The following NKAIN2 variants were observed in gnomAD, a reference collection of about 807,000 sequenced individuals.
The protein encoded by NKAIN2 is sodium/potassium transporting ATPase interacting 2.
Under a neutral mutation model 32.6 loss-of-function variants are expected in NKAIN2, and 14 were observed. The observed-to-expected ratio is 0.43, with a 90% confidence interval of 0.28 to 0.67. NKAIN2 has a LOEUF of 0.67. Among genes scored for constraint, NKAIN2 ranks in the 30% least tolerant of loss-of-function variants. The pLI is 0.17. For missense variants in NKAIN2, 198 were observed against 258.3 expected (o/e 0.77, Z 1.60); for synonymous variants, 80 against 87.2 (o/e 0.92, Z 0.46).
intron 1 of NKAIN2, among the ~76,000 whole-genome samples, chr6:124,013,815 G>A (rs1302907576): frequency 6.6e-6 from 1 of 152,212 alleles, no homozygotes; most frequent in Non-Finnish European, 1.5e-5. Flanking sequence ...AAAAGGGTTA[G>A]AGAGATGTGG....
chr6:124,742,638 C>T (rs1339790177), intron 4 of NKAIN2, among the ~76,000 whole-genome samples: 7 of 151,806 alleles, frequency 4.6e-5, no homozygotes, highest in Non-Finnish European at 8.8e-5. Flanking sequence ...CTCTAGAGGA[C>T]CCTTAACCAA....
At chr6:123,946,290 T>C (rs1777060935) in intron 1 of NKAIN2, among the ~76,000 whole-genome samples, 1 of 152,186 alleles carries the variant, frequency 6.6e-6, no homozygotes, top group Non-Finnish European at 1.5e-5. Flanking sequence ...TGAAATTGTT[T>C]TGTACATTTG....
chr6:123,853,019 A>G (rs1015470687), intron 1 of NKAIN2, among the ~76,000 whole-genome samples: 3 of 152,224 alleles, frequency 2.0e-5, no homozygotes, highest in African/African-American at 7.2e-5. Context: ...AGACTTTATC[A>G]TCATGTTGAG....
chr6:124,713,953 C>A (rs865987849), intron 4 of NKAIN2, among the ~76,000 whole-genome samples: 1 of 152,180 alleles, frequency 6.6e-6, no homozygotes, highest in Non-Finnish European at 1.5e-5. Context: ...TTTATTTGCT[C>A]ATCTAGCAAC....
intron 1 of NKAIN2, among the ~76,000 whole-genome samples, chr6:123,912,215 G>A (rs144956218): frequency 1.6e-4 from 24 of 151,956 alleles, no homozygotes; most frequent in East Asian, 9.7e-4. Context: ...ATTCTTGAAC[G>A]AAATATATGA....
chr6:124,107,007 G>C (rs929908381), intron 1 of NKAIN2, among the ~76,000 whole-genome samples: 7 of 152,304 alleles, frequency 4.6e-5, no homozygotes, highest in Admixed American at 3.9e-4. Flanking sequence ...TGGGTAGAAA[G>C]TGCCAAGGGT....
At chr6:124,397,784 C>T (rs905928555) in intron 3 of NKAIN2, among the ~76,000 whole-genome samples, 4 of 151,972 alleles carry the variant, frequency 2.6e-5, no homozygotes, top group Non-Finnish European at 5.9e-5. Flanking sequence ...GGAAGATTAA[C>T]GAATTGTGAA....
chr6:124,220,230 C>T (rs1791740886), intron 1 of NKAIN2, among the ~76,000 whole-genome samples: 1 of 152,110 alleles, frequency 6.6e-6, no homozygotes, highest in South Asian at 2.1e-4. Flanking sequence ...ATCTCTCCTT[C>T]TCTTTCTCAC....
intron 4 of NKAIN2, among the ~76,000 whole-genome samples, chr6:124,661,216 A>T (rs1248070813): frequency 6.6e-6 from 1 of 152,222 alleles, no homozygotes; most frequent in Non-Finnish European, 1.5e-5. Context: ...AGTTTAAGGC[A>T]TAATCTTGGC....
At chr6:124,204,916 A>AT (rs1042485050) in intron 1 of NKAIN2, among the ~76,000 whole-genome samples, 6 of 151,536 alleles carry the variant, frequency 4.0e-5, no homozygotes, top group South Asian at 2.1e-4. Context: ...TATTAAAGAG[A>AT]TTTTTTATGT....
intron 1 of NKAIN2, among the ~76,000 whole-genome samples, chr6:124,197,230 C>A (rs560954820): frequency 6.6e-6 from 1 of 151,970 alleles, no homozygotes; most frequent in East Asian, 1.9e-4. Flanking sequence ...TGTTTTGTCC[C>A]CAGTTCATAA....
At chr6:124,050,051 A>C (rs1782332464) in intron 1 of NKAIN2, among the ~76,000 whole-genome samples, 1 of 152,048 alleles carries the variant, frequency 6.6e-6, no homozygotes, top group Non-Finnish European at 1.5e-5. Flanking sequence ...ATTTGCGTGT[A>C]GTATATATGG....
intron 3 of NKAIN2, among the ~76,000 whole-genome samples, chr6:124,369,621 G>C (rs984931723): frequency 6.6e-6 from 1 of 152,044 alleles, no homozygotes; most frequent in African/African-American, 2.4e-5. Context: ...TTTTCTTCCA[G>C]TGTGGCCCAG....
Position 124,732,091 on chromosome 6 carries a change from G to T in NKAIN2, c.475-59248G>T, listed in dbSNP as rs552995139. On this transcript the variant is annotated intron_variant, in intron 4 of 6. Coordinates refer to ENST00000368417, the MANE Select transcript of NKAIN2 (RefSeq NM_001040214.3). ...TATGACCTTACCTCCATTTATTAAA[G>T]AATTTATCATGAAAATTCCATAGAA... 2.0e-4 allele frequency among the ~76,000 whole-genome samples: 30 copies of T among 151,884 alleles called. No homozygotes were observed. In the South Asian group the frequency reaches 5.8e-3, roughly 29 times the overall value.
chr6:124,587,480 A>G lies in NKAIN2; in HGVS notation c.274-70706A>G, dbSNP rs190730747. ...TGATCCGCCTGGTTTGGCCTCCCAA[A>G]GAGCAGGGATTACAGATGTAAGCCA... On this transcript the variant is annotated intron_variant, in intron 3 of 6. Coordinates refer to ENST00000368417, the MANE Select transcript of NKAIN2 (RefSeq NM_001040214.3). Among the ~76,000 whole-genome samples the G allele has an allele frequency of 9.2e-5, 14 of 152,280 alleles. No individual in the cohort carries two copies. In the East Asian group the frequency reaches 2.7e-3, roughly 29 times the overall value.
intron 2 of NKAIN2, among the ~76,000 whole-genome samples, chr6:124,311,709 C>T (rs1020657441): frequency 6.6e-6 from 1 of 152,088 alleles, no homozygotes; most frequent in African/African-American, 2.4e-5. Context: ...AGAGCCCATT[C>T]TTAATTGGTA....
At chr6:124,708,558 A>C (rs1461389832) in intron 4 of NKAIN2, among the ~76,000 whole-genome samples, 2 of 151,928 alleles carry the variant, frequency 1.3e-5, no homozygotes, top group South Asian at 4.2e-4. Flanking sequence ...GGTCCTTCAC[A>C]TCCCTTGTAA....
chr6:123,978,863 C>T lies in NKAIN2; in HGVS notation c.54+174609C>T, dbSNP rs57044798. ...TCATGGTTAAATAGTTATGGACTGA[C>T]TACCTTCTTAATCAAAGGTGATGCT... On this transcript the variant is annotated intron_variant, in intron 1 of 6. Coordinates refer to ENST00000368417, the MANE Select transcript of NKAIN2 (RefSeq NM_001040214.3). Among the ~76,000 whole-genome samples the T allele has an allele frequency of 3.5e-3, 532 of 152,296 alleles. 5 individuals carry two copies. Among genetic ancestry groups the T allele is most frequent in the African/African-American group, 0.012 (506 of 41,560 alleles).
intron 3 of NKAIN2, among the ~76,000 whole-genome samples, chr6:124,421,444 A>G (rs1774745183): frequency 6.6e-6 from 1 of 152,036 alleles, no homozygotes; most frequent in African/African-American, 2.4e-5. Context: ...ACTTCTTTGG[A>G]TACCATCCAC....
Sources: allele counts gnomAD v4.1 joint callset (sites outside exome capture counted in the v4.1 genomes callset), GRCh38; gene constraint gnomAD v4.1.1; transcripts MANE v1.5; gene names NCBI Gene and HGNC (gene_info 2026-07-23, HGNC 2026-07-21).